The following TDRD5 variants were observed in gnomAD, a reference collection of about 807,000 sequenced individuals.
TDRD5 encodes tudor domain containing 5, also known as tudor domain-containing protein 5.
TDRD5 carries 41 observed loss-of-function variants against 120.6 expected under a neutral mutation model. The observed-to-expected ratio is 0.34, with a 90% CI of 0.26 to 0.44. The LOEUF is 0.44. Among genes scored for constraint, TDRD5 ranks in the 20% least tolerant of loss-of-function variants. The probability of loss-of-function intolerance (pLI) is 1.00; values close to 1 mark genes in which losing one functional copy is unlikely to be tolerated. For synonymous variants in TDRD5, 430 were observed against 433.7 expected, an observed-to-expected ratio of 0.99 and a Z score of 0.11; for missense variants, 1,006 against 1,221.2, an observed-to-expected ratio of 0.82 and a Z score of 2.63.
chr1:179,672,439 C>T (rs1679906799), intron 17 of TDRD5, among the ~76,000 whole-genome samples: 1 of 151,690 alleles, frequency 6.6e-6, no homozygotes, highest in African/African-American at 2.4e-5. Context: ...TATTCAAGTC[C>T]TTTGGGATTG....
chr1:179,668,575 C>T (rs1402616717), intron 16 of TDRD5, among the ~76,000 whole-genome samples: 1 of 152,128 alleles, frequency 6.6e-6, no homozygotes, highest in Non-Finnish European at 1.5e-5. Context: ...ACGGGGTGCT[C>T]AGTGAACATC....
At chr1:179,680,604 T>TC (rs1680370097) in intron 17 of TDRD5, among the ~76,000 whole-genome samples, 1 of 152,246 alleles carries the variant, frequency 6.6e-6, no homozygotes, top group Non-Finnish European at 1.5e-5. Context: ...TTTCTTTTGA[T>TC]TTGCATTTGC....
intron 17 of TDRD5, among the ~76,000 whole-genome samples, chr1:179,689,162 G>A (rs1382254040): frequency 6.6e-6 from 1 of 152,148 alleles, no homozygotes; most frequent in Non-Finnish European, 1.5e-5. Flanking sequence ...TTCTGCTCTG[G>A]TTTCTCCCCA....
rs145798073 is a variant in TDRD5 at position 179,635,849 on chromosome 1, T to C, written c.1482T>C (p.Asp494=). ...SQFYIRIYSR[D]SSELLEDMMI... ...TCTACATCCGGATCTATAGCAGGGA[T>C]TCGTCAGAGTTACTCGAAGACATGA... The change falls in exon 9 of 18, where the codon GAT becomes GAC. Residue 494 remains aspartate, a synonymous_variant. Coordinates refer to ENST00000444136, the MANE Select transcript of TDRD5 (RefSeq NM_001199085.3). 3.0e-5 allele frequency: 49 copies of C among 1,613,792 alleles called. No individual in the cohort carries two copies. The African/African-American group carries it at 5.7e-4, about 19-fold the overall frequency.
intron 4 of TDRD5, among the ~76,000 whole-genome samples, chr1:179,605,991 T>C (rs962314053): frequency 6.6e-6 from 1 of 152,092 alleles, no homozygotes; most frequent in African/African-American, 2.4e-5. Context: ...GATAAAGATA[T>C]GTTTGTTTTT....
At chr1:179,595,483 T>C (rs1675340725) in intron 3 of TDRD5, 145 bp from the exon 4 acceptor site, 1 of 625,512 alleles carries the variant, frequency 1.6e-6, no homozygotes, top group Non-Finnish European at 2.6e-6. Context: ...TTTGGCTTGA[T>C]GTAAAAATGT....
chr1:179,679,395 T>C (rs910943850), intron 17 of TDRD5, among the ~76,000 whole-genome samples: 2 of 152,180 alleles, frequency 1.3e-5, no homozygotes. Flanking sequence ...AGTTGGGAAG[T>C]GTTTCCTCCT....
intron 11 of TDRD5, among the ~76,000 whole-genome samples, chr1:179,646,981 C>T (rs868021332): frequency 8.7e-5 from 13 of 149,946 alleles, no homozygotes; most frequent in Non-Finnish European, 1.5e-4. Context: ...ACATTCCATG[C>T]TCATGGGTAG....
intron 14 of TDRD5, among the ~76,000 whole-genome samples, chr1:179,655,797 CT>C (rs1678977102): frequency 6.6e-6 from 1 of 152,132 alleles, no homozygotes; most frequent in South Asian, 2.1e-4. Flanking sequence ...ATAATATGTT[CT>C]TTTCGATTGC....
In TDRD5 at chr1:179,687,643, T is replaced by A. The variant is rs537623983; in HGVS notation, c.2861-3053T>A. Among the ~76,000 whole-genome samples, 415 of 152,238 alleles carry A rather than the reference T, an allele frequency of 2.7e-3. 2 individuals carry two copies. The highest frequency in any genetic ancestry group is 9.4e-3 in the African/African-American group (391 of 41,524). On this transcript the variant is annotated intron_variant, in intron 17 of 17. Coordinates refer to ENST00000444136, the MANE Select transcript of TDRD5 (RefSeq NM_001199085.3). ...GATCTGTCTAATGTTGACAGTGGGG[T>A]GTTAAAGTCTCCCATTATTATTGTG...
chr1:179,685,250 C>G (rs1254726242), intron 17 of TDRD5, among the ~76,000 whole-genome samples: 1 of 152,186 alleles, frequency 6.6e-6, no homozygotes, highest in Admixed American at 6.5e-5. Flanking sequence ...CCAGTTTCAG[C>G]TTTCTACATA....
intron 17 of TDRD5, among the ~76,000 whole-genome samples, chr1:179,678,361 A>T (rs922266719): frequency 3.9e-4 from 59 of 152,278 alleles, no homozygotes; most frequent in African/African-American, 1.3e-3. Context: ...AAGCAGACTC[A>T]CAGTTTTTCA....
chr1:179,662,060 G>A lies in TDRD5; in HGVS notation c.2323-44G>A, dbSNP rs568055205. Reference sequence around the variant, plus strand: ...ACCTAAATTTTATGTGCTCATATAGGAACTATAAATGATAGTTTTTCTTTG... The same window carrying A: ...ACCTAAATTTTATGTGCTCATATAGAAACTATAAATGATAGTTTTTCTTTG... On this transcript the variant is annotated intron_variant, in intron 14 of 17. Coordinates refer to ENST00000444136, the MANE Select transcript of TDRD5 (RefSeq NM_001199085.3). 4.7e-6 allele frequency: 7 copies of A among 1,481,318 alleles called. No homozygotes were observed. In the South Asian group the frequency reaches 7.5e-5, roughly 16 times the overall value. 91.8% of individuals were successfully genotyped at this position (1,481,318 alleles called of 1,614,324 possible).
At chr1:179,666,936 G>C (rs961676685) in intron 16 of TDRD5, among the ~76,000 whole-genome samples, 1 of 152,084 alleles carries the variant, frequency 6.6e-6, no homozygotes, top group East Asian at 1.9e-4. Flanking sequence ...GTTCCATCTT[G>C]GTGTATTTCC....
chr1:179,649,018 T>A (rs1333026377), intron 11 of TDRD5, among the ~76,000 whole-genome samples: 1 of 152,204 alleles, frequency 6.6e-6, no homozygotes, highest in Non-Finnish European at 1.5e-5. Flanking sequence ...AGTTAGTATC[T>A]TTAGCACATT....
In TDRD5 at chr1:179,662,242, G is replaced by C; in HGVS notation, c.2461G>C (p.Gly821Arg). Residue 821 changes from glycine to arginine, a missense_variant, in exon 15 of 18, where the codon GGT becomes CGT. By Grantham distance (125) the Gly-to-Arg change is moderately radical. Transcript: ENST00000444136. ...AASHLFTASL[G>R]GKNQYSSCKE... ...CTCCCATCTATTTACTGCAAGCCTT[G>C]GTGGAAAGAATCAGTATTCATCATG... 6.2e-7 allele frequency: 1 copy of C among 1,610,576 alleles called. No individual in the cohort carries two copies. Among genetic ancestry groups the C allele is most frequent in the Non-Finnish European group, 8.5e-7 (1 of 1,178,858 alleles).
chr1:179,662,051 C>T (rs1274040653), intron 14 of TDRD5, 53 bp from the exon 15 acceptor site: 40 of 1,422,720 alleles, frequency 2.8e-5, no homozygotes, highest in East Asian at 2.4e-4. Flanking sequence ...ATTTTATGTG[C>T]TCATATAGGA....
intron 4 of TDRD5, among the ~76,000 whole-genome samples, chr1:179,608,067 T>C (rs1381636997): frequency 6.6e-6 from 1 of 152,022 alleles, no homozygotes; most frequent in Non-Finnish European, 1.5e-5. Flanking sequence ...GAATTCTATC[T>C]GGTGTGATAG....
At chr1:179,642,638 T>G (rs536324805) in intron 11 of TDRD5, among the ~76,000 whole-genome samples, 2 of 152,318 alleles carry the variant, frequency 1.3e-5, no homozygotes, top group South Asian at 4.1e-4. Context: ...ATTGTCTTGT[T>G]TGTTTGTGCA....
Sources: gnomAD v4.1 joint callset for allele counts (sites outside exome capture counted in the v4.1 genomes callset) on GRCh38, gnomAD v4.1.1 for gene constraint, MANE v1.5 for transcripts, NCBI Gene and HGNC (gene_info 2026-07-23, HGNC 2026-07-21) for gene names.